The following SPATS2L variants were observed in gnomAD, a reference collection of about 807,000 sequenced individuals.
SPATS2L encodes the protein SPATS2-like protein.
In SPATS2L, 30 loss-of-function variants were observed where a neutral mutation model predicts 59.6. That is an observed-to-expected ratio of 0.50 (90% CI 0.38 to 0.68). SPATS2L has a LOEUF of 0.68. SPATS2L is among the 30% of genes least tolerant of loss of function. The probability of loss-of-function intolerance (pLI) is 0.00; values close to 1 mark genes in which losing one functional copy is unlikely to be tolerated. For synonymous variants in SPATS2L, 252 were observed against 263.5 expected (o/e 0.96, Z 0.42); for missense variants, 615 against 700.0 (o/e 0.88, Z 1.37).
intron 3 of SPATS2L, among the ~76,000 whole-genome samples, chr2:200,397,522 T>C (rs1206352081): frequency 6.6e-6 from 1 of 152,104 alleles, no homozygotes; most frequent in Non-Finnish European, 1.5e-5. Flanking sequence ...ACCTTAAAAT[T>C]GTTATTGTTT....
chr2:200,315,286 CA>C (rs1476335207), intron 1 of SPATS2L, among the ~76,000 whole-genome samples: 4 of 152,122 alleles, frequency 2.6e-5, no homozygotes, highest in Non-Finnish European at 5.9e-5. Flanking sequence ...GTTACATGTA[CA>C]ATGGGCATAG....
At chr2:200,414,722 C>A (rs1019878110) in intron 4 of SPATS2L, among the ~76,000 whole-genome samples, 1 of 152,084 alleles carries the variant, frequency 6.6e-6, no homozygotes, top group Non-Finnish European at 1.5e-5. Flanking sequence ...ATACAGAAAG[C>A]GCTCTGAGTG....
Position 200,385,324 on chromosome 2 carries a change from G to A in SPATS2L, c.-22-3899G>A, listed in dbSNP as rs2081957059. On this transcript the variant is annotated intron_variant, in intron 2 of 12. Transcript: ENST00000409140. ...CTTCACGTTGCTAAACCCTGGGCCTGTCATGTGAAATCAGGTGAAAATATA... is the reference window on the plus strand; with the variant it reads ...CTTCACGTTGCTAAACCCTGGGCCTATCATGTGAAATCAGGTGAAAATATA... Among the ~76,000 whole-genome samples, 4 of 152,322 alleles carry A rather than the reference G, an allele frequency of 2.6e-5. No individual in the cohort carries two copies. The South Asian group carries it at 8.3e-4, about 32-fold the overall frequency.
At position 200,467,407 on chromosome 2, in the gene SPATS2L, C is replaced by G. The variant is rs368507049; in HGVS notation, c.957+8C>G. The G allele has an allele frequency of 6.3e-7, 1 of 1,595,476 alleles. No homozygotes were observed. Among genetic ancestry groups the G allele is most frequent in the Non-Finnish European group, 8.6e-7 (1 of 1,163,108 alleles). The stretch of plus-strand genomic sequence containing the variant: ...CTCAGGGCAGAAATTAAGGTCAGTT[C>G]TAAAATATCACAGCCTGAACCCTGA... On this transcript the variant is annotated splice_region_variant and intron_variant, in intron 10 of 12. Transcript: ENST00000409140.
chr2:200,431,173 G>T (rs2083909301), intron 6 of SPATS2L, among the ~76,000 whole-genome samples: 1 of 152,148 alleles, frequency 6.6e-6, no homozygotes, highest in Non-Finnish European at 1.5e-5. Context: ...ATATATTACT[G>T]TCCGGAAAGG....
chr2:200,318,064 T>G (rs1039079355), intron 1 of SPATS2L, among the ~76,000 whole-genome samples: 8 of 152,234 alleles, frequency 5.3e-5, no homozygotes, highest in African/African-American at 1.4e-4. Context: ...CGTATTGTAG[T>G]GATTACCAGT....
intron 3 of SPATS2L, among the ~76,000 whole-genome samples, chr2:200,399,618 T>C (rs182590068): frequency 6.6e-6 from 1 of 152,200 alleles, no homozygotes; most frequent in Admixed American, 6.5e-5. Flanking sequence ...GAAAACAAGA[T>C]CTGGCCAATC....
chr2:200,315,841 G>A (rs527903109), intron 1 of SPATS2L, among the ~76,000 whole-genome samples: 9 of 124,394 alleles, frequency 7.2e-5, no homozygotes, highest in African/African-American at 2.4e-4. Flanking sequence ...GTGAAACCCC[G>A]TCTCACCAAA....
intron 4 of SPATS2L, among the ~76,000 whole-genome samples, chr2:200,415,957 A>G (rs1384221200): frequency 6.6e-6 from 1 of 152,144 alleles, no homozygotes; most frequent in African/African-American, 2.4e-5. Context: ...AGAATGGCCA[A>G]ACAGAAAGCT....
chr2:200,332,949 C>T (rs914987224), intron 2 of SPATS2L, among the ~76,000 whole-genome samples: 13 of 151,912 alleles, frequency 8.6e-5, no homozygotes, highest in African/African-American at 2.9e-4. Flanking sequence ...TAGAGCTGTA[C>T]ACAATAACAT....
intron 1 of SPATS2L, among the ~76,000 whole-genome samples, chr2:200,321,015 TA>T (rs2079544076): frequency 6.6e-6 from 1 of 152,206 alleles, no homozygotes; most frequent in African/African-American, 2.4e-5. Flanking sequence ...AATCTGATGT[TA>T]AAAATAATAC....
chr2:200,412,271 T>C, intron 3 of SPATS2L, 40 bp from the exon 4 acceptor site: 1 of 1,191,024 alleles, frequency 8.4e-7, no homozygotes, highest in Non-Finnish European at 1.2e-6. Flanking sequence ...ATATTTAAAG[T>C]GTTCACATTT....
chr2:200,388,615 C>A (rs974372224), intron 2 of SPATS2L, among the ~76,000 whole-genome samples: 2 of 146,078 alleles, frequency 1.4e-5, no homozygotes, highest in African/African-American at 5.1e-5. Flanking sequence ...TTGAGATGCC[C>A]CCCCCCCACC....
At position 200,475,416 on chromosome 2, in the gene SPATS2L, C is replaced by T. The variant is rs36062226; in HGVS notation, c.1282-2220C>T. ...CATTTGTGTAAGGTGAATATCAGTTCAGTCCAGAAAGGTGGGACTACTGGA... is the reference window on the plus strand; with the variant it reads ...CATTTGTGTAAGGTGAATATCAGTTTAGTCCAGAAAGGTGGGACTACTGGA... On this transcript the variant is annotated intron_variant, in intron 12 of 12. Coordinates refer to ENST00000409140, the MANE Select transcript of SPATS2L (RefSeq NM_001100423.2). Among the ~76,000 whole-genome samples the T allele has an allele frequency of 5.5e-3, 839 of 152,310 alleles. 2 individuals are homozygous for T. The highest frequency in any genetic ancestry group is 0.014 in the Middle Eastern group (4 of 294).
intron 1 of SPATS2L, among the ~76,000 whole-genome samples, chr2:200,317,635 A>C (rs373348048): frequency 7.2e-5 from 11 of 152,310 alleles, no homozygotes; most frequent in Non-Finnish European, 1.5e-4. Context: ...CATTCTCCCT[A>C]TGCTTTGCAT....
At chr2:200,419,617 G>A (rs1041936361) in intron 6 of SPATS2L, 121 bp downstream of exon 6, 3 of 1,130,652 alleles carry the variant, frequency 2.7e-6, no homozygotes, top group Non-Finnish European at 3.7e-6. Flanking sequence ...CAGTGTGTAC[G>A]ATTCAGCCTT....
chr2:200,435,456 A>C (rs1414404354), intron 6 of SPATS2L, among the ~76,000 whole-genome samples: 3 of 152,180 alleles, frequency 2.0e-5, no homozygotes, highest in African/African-American at 7.2e-5. Context: ...CTACTGTGGA[A>C]TCTAATATTT....
At chr2:200,426,342 G>A (rs972516079) in intron 6 of SPATS2L, among the ~76,000 whole-genome samples, 1 of 151,740 alleles carries the variant, frequency 6.6e-6, no homozygotes, top group Non-Finnish European at 1.5e-5. Flanking sequence ...TGCCCACCTC[G>A]GCCTTTACTA....
chr2:200,467,558 A>G (rs1244837538), intron 10 of SPATS2L, among the ~76,000 whole-genome samples, 159 bp downstream of exon 10: 8 of 152,244 alleles, frequency 5.3e-5, no homozygotes, highest in African/African-American at 1.9e-4. Flanking sequence ...GGGAAGACCC[A>G]CATAATCACT....
Sources: gnomAD v4.1 joint callset for allele counts (sites outside exome capture counted in the v4.1 genomes callset) on GRCh38, gnomAD v4.1.1 for gene constraint, MANE v1.5 for transcripts, NCBI Gene and HGNC (gene_info 2026-07-23, HGNC 2026-07-21) for gene names.